The following PRRC2B variants were observed in gnomAD, a reference collection of about 807,000 sequenced individuals.
The protein encoded by PRRC2B is proline rich coiled-coil 2B.
Under a neutral mutation model 242.3 loss-of-function variants are expected in PRRC2B, and 68 were observed. That is an observed-to-expected ratio of 0.28 (90% confidence interval 0.23 to 0.34). The LOEUF (loss-of-function observed/expected upper bound fraction) is 0.34, where lower values mean the gene tolerates loss of function less well. Ranked by LOEUF, PRRC2B falls within the 10% of genes least tolerant of loss-of-function variation. The probability of loss-of-function intolerance (pLI) is 1.00; values close to 1 mark genes in which losing one functional copy is unlikely to be tolerated. For synonymous variants in PRRC2B, 1,228 were observed against 1,173.6 expected (o/e 1.05, Z -0.95); for missense variants, 2,835 against 2,954.8 (o/e 0.96, Z 0.94).
chr9:131,395,432 AC>A (rs1837022847), intron 1 of PRRC2B, among the ~76,000 whole-genome samples: 3 of 152,058 alleles, frequency 2.0e-5, no homozygotes, highest in Admixed American at 2.0e-4. Context: ...GTAAGGTGGG[AC>A]TGGGGAGGCC....
chr9:131,434,794 C>T (rs927129451), intron 3 of PRRC2B, among the ~76,000 whole-genome samples: 16 of 152,104 alleles, frequency 1.1e-4, no homozygotes, highest in African/African-American at 3.9e-4. Context: ...GTGACCGGAG[C>T]GCTGAGTTAG....
At chr9:131,488,162 T>G in intron 28 of PRRC2B, 66 bp downstream of exon 28, 1 of 1,531,050 alleles carries the variant, frequency 6.5e-7, no homozygotes, top group Non-Finnish European at 8.8e-7. Flanking sequence ...GCCTTTTCTT[T>G]TCACCCGCCT....
chr9:131,419,800 G>T (rs1267074155), intron 1 of PRRC2B, among the ~76,000 whole-genome samples: 2 of 152,134 alleles, frequency 1.3e-5, no homozygotes, highest in African/African-American at 4.8e-5. Context: ...GACTGCCGGG[G>T]GTGGTGTGGG....
chr9:131,444,468 T>C lies in PRRC2B; in HGVS notation c.613+140T>C, dbSNP rs1838720943. 3 of 911,444 alleles carry C rather than the reference T, an allele frequency of 3.3e-6. No homozygotes were observed. In the African/African-American group the frequency reaches 5.0e-5, roughly 15 times the overall value. 56.5% of individuals were successfully genotyped at this position (911,444 alleles called of 1,614,324 possible). On this transcript the variant is annotated intron_variant, in intron 6 of 31. Coordinates refer to ENST00000683519, the MANE Select transcript of PRRC2B (RefSeq NM_013318.4). ...CGTGGCTCTTTGACTCGCCACGTGATCTGTGCATCCATTGGACTTGCTGCC... is the reference window on the plus strand; with the variant it reads ...CGTGGCTCTTTGACTCGCCACGTGACCTGTGCATCCATTGGACTTGCTGCC...
chr9:131,473,111 G>C (rs1392701341), intron 14 of PRRC2B, among the ~76,000 whole-genome samples: 1 of 152,182 alleles, frequency 6.6e-6, no homozygotes, highest in East Asian at 1.9e-4. Context: ...TCTGTTCCTG[G>C]TAGTAAAGCG....
intron 10 of PRRC2B, among the ~76,000 whole-genome samples, chr9:131,455,844 G>A (rs1045102900): frequency 1.1e-4 from 17 of 152,156 alleles, no homozygotes; most frequent in Admixed American, 1.1e-3. Flanking sequence ...CGGGCACGGC[G>A]GCTCGTGCTG....
At chr9:131,448,547 A>AAAAAAAAAAAAAAAAAAC (rs1838891084) in intron 9 of PRRC2B, among the ~76,000 whole-genome samples, 1 of 98,874 alleles carries the variant, frequency 1.0e-5, no homozygotes, top group Non-Finnish European at 2.1e-5. Flanking sequence ...CTGTCTCAAA[A>AAAAAAAAAAAAAAAAAAC]AAAAAAAAAA....
chr9:131,381,241 A>G (rs994584175), intron 1 of PRRC2B, among the ~76,000 whole-genome samples: 3 of 152,180 alleles, frequency 2.0e-5, no homozygotes, highest in Admixed American at 6.6e-5. Flanking sequence ...GAATGCTGCC[A>G]TGGGCACAGA....
intron 28 of PRRC2B, chr9:131,491,047 C>T (rs1392462528): frequency 1.3e-5 from 3 of 235,404 alleles, no homozygotes; most frequent in African/African-American, 6.8e-5. Flanking sequence ...GCTTCCTTGG[C>T]ACCTTGTATG....
rs187193336 is a variant in PRRC2B at position 131,386,166 on chromosome 9, G to A, written c.-56+12435G>A. On this transcript the variant is annotated intron_variant, in intron 1 of 1. Coordinates refer to the PRRC2B transcript ENST00000682525. ...CTTGCTCTGTTGCCCAGGCTGGAGT[G>A]CAGTGGCGTGAACATGTCTCACTGC... 4.5e-3 allele frequency among the ~76,000 whole-genome samples: 672 copies of A among 150,194 alleles called. 14 individuals carry two copies. The highest frequency in any genetic ancestry group is 0.016 in the African/African-American group (644 of 41,292).
At chr9:131,430,395 T>A in intron 2 of PRRC2B, 136 bp downstream of exon 2, 1 of 566,026 alleles carries the variant, frequency 1.8e-6, no homozygotes, top group Non-Finnish European at 3.2e-6. Context: ...AGAATCACTC[T>A]CTACTTCCTA....
At position 131,474,672 on chromosome 9, in the gene PRRC2B, A is replaced by G. The variant is rs1197914824; in HGVS notation, c.2543A>G (p.Gln848Arg). The change falls in exon 16 of 32, where the codon CAA (glutamine) becomes CGA (arginine). Residue 848 changes from glutamine (Q) to arginine (R), a missense_variant. Gln to Arg is a conservative substitution (Grantham distance 43). Coordinates refer to ENST00000683519, the MANE Select transcript of PRRC2B (RefSeq NM_013318.4). ...GCAGGTGCTCCTGGGGGTCACACCCAAAACCTCAGGTGTTCCCCATTGGAG... is the reference window on the plus strand; with the variant it reads ...GCAGGTGCTCCTGGGGGTCACACCCGAAACCTCAGGTGTTCCCCATTGGAG... ...QDAGAPGGHT[Q>R]NLRCSPLEPD... 2 of 1,613,452 alleles carry G rather than the reference A, an allele frequency of 1.2e-6. No homozygotes were observed. The highest frequency in any genetic ancestry group is 2.7e-5 in the African/African-American group (2 of 74,944).
In PRRC2B at chr9:131,494,594, C is replaced by T. The variant is rs575076885; in HGVS notation, c.6555+108C>T. On this transcript the variant is annotated intron_variant, in intron 31 of 31. Transcript: ENST00000683519. The surrounding 1 kb of genome is among the most constrained non-coding windows in gnomAD (Gnocchi z 4.3). ...TATCTGAGCGCCCCCTGTCTAAAGA[C>T]AGCCATGCCCTAGCGGTTAGAGCAC... 6.0e-5 allele frequency: 38 copies of T among 634,338 alleles called. No homozygotes were observed. In the East Asian group the frequency reaches 1.1e-3, roughly 19 times the overall value. The allele number at this position is 634,338 out of a possible 1,614,324, so 39.3% of individuals were successfully genotyped here.
In PRRC2B at chr9:131,498,153, C is replaced by G. The variant is rs1944379808; in HGVS notation, c.*2279C>G. 1 of 152,198 alleles carries G rather than the reference C, an allele frequency of 6.6e-6. No homozygotes were observed. The highest frequency in any genetic ancestry group is 1.5e-5 in the Non-Finnish European group (1 of 68,034). 9.4% of individuals were successfully genotyped at this position (152,198 alleles called of 1,614,324 possible). A position where few individuals can be genotyped will look rare whatever the true frequency, so the allele number is the denominator to read the frequency against. ...AGAAAAAATAAAAACAAAAAGGTCA[C>G]CTGTTCTCCAGCCCTTTTCTCTTAC... On this transcript the variant is annotated 3_prime_UTR_variant, in exon 32 of 32. Transcript: ENST00000683519.
Position 131,467,603 on chromosome 9 carries a change from C to T in PRRC2B, c.1761C>T (p.Phe587=). 6.2e-7 allele frequency: 1 copy of T among 1,612,880 alleles called. No individual in the cohort carries two copies. The highest frequency in any genetic ancestry group is 8.5e-7 in the Non-Finnish European group (1 of 1,179,458). The change falls in exon 13 of 32, where the codon TTC becomes TTT. Residue 587 remains phenylalanine (F), a synonymous_variant. Transcript: ENST00000683519. Reference sequence around the variant, plus strand: ...CTGCCCAAGAGACCCCCACCACATTCCCAGAAGAGGCACCCACAGTGTCCC... The same window carrying T: ...CTGCCCAAGAGACCCCCACCACATTTCCAGAAGAGGCACCCACAGTGTCCC... ...EFPAQETPTT[F]PEEAPTVSPA...
chr9:131,481,908 G>C lies in PRRC2B; in HGVS notation c.4983+100G>C. ...CTTGCTGTGGCCCACCCAAGCCCCT[G>C]CCACAGCAGCTGAGCTTGGAATTAG... is the stretch of plus-strand genomic sequence containing the variant. On this transcript the variant is annotated intron_variant, in intron 20 of 31. Transcript: ENST00000683519. 4 of 1,048,422 alleles carry C rather than the reference G, an allele frequency of 3.8e-6. No individual in the cohort carries two copies. The Admixed American group carries it at 8.0e-5, about 21-fold the overall frequency. 64.9% of individuals were successfully genotyped at this position (1,048,422 alleles called of 1,614,324 possible).
In PRRC2B at chr9:131,494,514, GCC is replaced by G. The variant is rs747459870; in HGVS notation, c.6555+30_6555+31del. The G allele has an allele frequency of 5.4e-6, 7 of 1,305,136 alleles. No homozygotes were observed. The highest frequency in any genetic ancestry group is 7.7e-6 in the Non-Finnish European group (7 of 914,978). 80.8% of individuals were successfully genotyped at this position (1,305,136 alleles called of 1,614,324 possible). A position where few individuals can be genotyped will look rare whatever the true frequency, so the allele number is the denominator to read the frequency against. On this transcript the variant is annotated intron_variant, in intron 31 of 31. Transcript: ENST00000683519. This position sits in a 1 kb window ranked among gnomAD's most constrained non-coding sequence, Gnocchi z 4.3. ...AGAAGATGGCTTTCCAGACCCTTCA[GCC>G]CTGGACACTTAGGCCCGTCTCCAAG...
chr9:131,422,695 C>G (rs1837876290), intron 1 of PRRC2B, among the ~76,000 whole-genome samples: 1 of 152,210 alleles, frequency 6.6e-6, no homozygotes, highest in African/African-American at 2.4e-5. Flanking sequence ...TAGCAGGAAC[C>G]TGTTGGACAG....
In PRRC2B at chr9:131,492,952, C is replaced by T. The variant is rs114438609; in HGVS notation, c.6473+692C>T. The stretch of plus-strand genomic sequence containing the variant: ...TGTTACATGTGGGAGATTCCTGAGA[C>T]CCCTCTGTGTTTACAAATGAGTGAA... On this transcript the variant is annotated intron_variant, in intron 30 of 31. Coordinates refer to ENST00000683519, the MANE Select transcript of PRRC2B (RefSeq NM_013318.4). Among the ~76,000 whole-genome samples, 657 of 152,328 alleles carry T rather than the reference C, an allele frequency of 4.3e-3. 6 individuals carry two copies. Among genetic ancestry groups the T allele is most frequent in the African/African-American group, 0.015 (638 of 41,554 alleles).
Sources: allele counts gnomAD v4.1 joint callset (sites outside exome capture counted in the v4.1 genomes callset), GRCh38; gene constraint gnomAD v4.1.1; non-coding constraint Gnocchi (gnomAD v3.1); transcripts MANE v1.5; gene names NCBI Gene and HGNC (gene_info 2026-07-23, HGNC 2026-07-21).